CEP128: variants seen among roughly 807,000 people sequenced by gnomAD.
The protein encoded by CEP128 is centrosomal protein 128kDa.
In CEP128, 132 loss-of-function variants were observed where a neutral mutation model predicts 156.7. The observed-to-expected ratio is 0.84, with a 90% CI of 0.73 to 0.97. The LOEUF (loss-of-function observed/expected upper bound fraction) is 0.97, where lower values mean the gene tolerates loss of function less well. CEP128 is among the 50% of genes least tolerant of loss of function. The pLI, the probability that CEP128 is intolerant of heterozygous loss-of-function variation, is 0.00. For synonymous variants in CEP128, 469 were observed against 448.9 expected (o/e 1.04, Z -0.57); for missense variants, 1,252 against 1,281.9 (o/e 0.98, Z 0.36).
intron 23 of CEP128, among the ~76,000 whole-genome samples, chr14:80,508,147 C>T (rs540253785): frequency 6.6e-6 from 1 of 152,204 alleles, no homozygotes; most frequent in African/African-American, 2.4e-5. Context: ...AACTCCTGAC[C>T]TCAGGTGATC....
At chr14:80,547,981 G>GTAGAAA (rs1158425285) in intron 21 of CEP128, among the ~76,000 whole-genome samples, 1 of 151,912 alleles carries the variant, frequency 6.6e-6, no homozygotes, top group African/African-American at 2.4e-5. Flanking sequence ...TGTATTTTTA[G>GTAGAAA]TAGAAACGGG....
intron 2 of CEP128, among the ~76,000 whole-genome samples, chr14:80,951,276 A>G (rs1886458147): frequency 6.6e-6 from 1 of 152,170 alleles, no homozygotes; most frequent in Non-Finnish European, 1.5e-5. Context: ...CCTTTAAAAG[A>G]TAATAACACT....
In CEP128 at chr14:80,887,123, T is replaced by C. The variant is rs1290783580; in HGVS notation, c.645+8595A>G. ...CCCAATACAGGAGCATCCAGATTCA[T>C]AAAGCAAGTACTTAGAGATCTACAA... On this transcript the variant is annotated intron_variant, in intron 8 of 24. Transcript: ENST00000555265. Among the ~76,000 whole-genome samples, 3 of 151,614 alleles carry C rather than the reference T, an allele frequency of 2.0e-5. No individual in the cohort carries two copies. In the South Asian group the frequency reaches 6.3e-4, roughly 32 times the overall value.
intron 21 of CEP128, among the ~76,000 whole-genome samples, chr14:80,539,834 T>TG (rs907258382): frequency 2.0e-5 from 3 of 152,146 alleles, no homozygotes; most frequent in Admixed American, 1.3e-4. Flanking sequence ...AATGCATTCC[T>TG]GGGGGGAGGT....
chr14:80,558,436 T>C (rs1464700836), intron 21 of CEP128, among the ~76,000 whole-genome samples: 2 of 152,046 alleles, frequency 1.3e-5, no homozygotes, highest in Non-Finnish European at 2.9e-5. Flanking sequence ...TTACAGGCTC[T>C]CACCACCACA....
intron 19 of CEP128, among the ~76,000 whole-genome samples, chr14:80,615,071 T>C (rs1045790608): frequency 5.3e-5 from 8 of 152,074 alleles, no homozygotes; most frequent in African/African-American, 1.7e-4. Flanking sequence ...TAGTAAGAAA[T>C]GGTATTGATT....
In CEP128 at chr14:80,550,933, T is replaced by C. The variant is rs138222425; in HGVS notation, c.2880+8346A>G. Among the ~76,000 whole-genome samples, 228 of 152,254 alleles carry C rather than the reference T, an allele frequency of 1.5e-3. 5 individuals carry two copies. In the Middle Eastern group the frequency reaches 0.021, roughly 14 times the overall value. On this transcript the variant is annotated intron_variant, in intron 21 of 24. Coordinates refer to ENST00000555265, the MANE Select transcript of CEP128 (RefSeq NM_152446.5). ...AATCATAGCTAAATGCTAATTTTTG[T>C]TTGAATAAGACAGGGTTTCATTTCA...
chr14:80,851,786 A>G (rs1886902845), intron 9 of CEP128, among the ~76,000 whole-genome samples: 1 of 152,034 alleles, frequency 6.6e-6, no homozygotes, highest in Admixed American at 6.6e-5. Context: ...AGAAACATGG[A>G]AAAATGGAAA....
intron 19 of CEP128, among the ~76,000 whole-genome samples, chr14:80,671,956 A>T (rs1297069604): frequency 6.6e-6 from 1 of 152,152 alleles, no homozygotes; most frequent in Non-Finnish European, 1.5e-5. Context: ...ATCAAAACTG[A>T]CAGGCCTCTG....
chr14:80,785,646 A>G (rs1901369418), intron 14 of CEP128, 101 bp from the exon 15 acceptor site: 3 of 707,750 alleles, frequency 4.2e-6, no homozygotes, highest in East Asian at 6.4e-5. Context: ...ACCCACAAGG[A>G]AAAAAAAAAT....
In CEP128 at chr14:80,552,233, C is replaced by T. The variant is rs150047273; in HGVS notation, c.2880+7046G>A. ...CTGAGGCAAGAGAATTGCTTGAATG[C>T]GGGAGATGGAGGTTGCAGTGAGCTG... On this transcript the variant is annotated intron_variant, in intron 21 of 24. Coordinates refer to ENST00000555265, the MANE Select transcript of CEP128 (RefSeq NM_152446.5). 5.4e-3 allele frequency among the ~76,000 whole-genome samples: 817 copies of T among 151,426 alleles called. 6 individuals carry two copies. Among genetic ancestry groups the T allele is most frequent in the Non-Finnish European group, 9.3e-3 (631 of 67,882 alleles).
At chr14:80,634,512 T>G (rs981945235) in intron 19 of CEP128, among the ~76,000 whole-genome samples, 1 of 152,220 alleles carries the variant, frequency 6.6e-6, no homozygotes, top group African/African-American at 2.4e-5. Flanking sequence ...TTGAATATAT[T>G]TTTCAATATT....
intron 19 of CEP128, among the ~76,000 whole-genome samples, chr14:80,677,933 G>C (rs1351636338): frequency 6.6e-6 from 1 of 151,640 alleles, no homozygotes; most frequent in East Asian, 1.9e-4. Context: ...CCTGAGTATA[G>C]AAAACCACAA....
At chr14:80,857,747 C>A (rs868830769) in intron 9 of CEP128, among the ~76,000 whole-genome samples, 3,154 of 126,784 alleles carry the variant, frequency 0.025, 57 homozygotes, top group Middle Eastern at 0.072. Flanking sequence ...AAAAAAACAA[C>A]AACAACAACA....
At chr14:80,792,070 A>C (rs983218607) in intron 14 of CEP128, among the ~76,000 whole-genome samples, 1 of 152,254 alleles carries the variant, frequency 6.6e-6, no homozygotes, top group Non-Finnish European at 1.5e-5. Context: ...GTTTAATTCA[A>C]CCCAAAGATA....
intron 9 of CEP128, among the ~76,000 whole-genome samples, chr14:80,855,295 G>C (rs539625891): frequency 1.3e-5 from 2 of 152,068 alleles, no homozygotes; most frequent in African/African-American, 4.8e-5. Flanking sequence ...CAATTCTAGG[G>C]CTTATGTCCT....
At chr14:80,586,481 T>A (rs1891826591) in intron 19 of CEP128, among the ~76,000 whole-genome samples, 1 of 152,222 alleles carries the variant, frequency 6.6e-6, no homozygotes, top group Non-Finnish European at 1.5e-5. Flanking sequence ...CAGTACTTTT[T>A]TTTTCTTTAC....
intron 19 of CEP128, among the ~76,000 whole-genome samples, chr14:80,656,122 C>G (rs1239103089): frequency 6.6e-6 from 1 of 151,126 alleles, no homozygotes; most frequent in Non-Finnish European, 1.5e-5. Flanking sequence ...AAAAGCCTAT[C>G]AAACAACAGA....
chr14:80,833,162 T>C (rs926388446), intron 12 of CEP128, among the ~76,000 whole-genome samples: 6 of 151,992 alleles, frequency 3.9e-5, no homozygotes, highest in Non-Finnish European at 7.4e-5. Context: ...TATAAATATA[T>C]GTATTTTATT....
Sources: allele counts gnomAD v4.1 joint callset (sites outside exome capture counted in the v4.1 genomes callset), GRCh38; gene constraint gnomAD v4.1.1; transcripts MANE v1.5; gene names NCBI Gene and HGNC (gene_info 2026-07-23, HGNC 2026-07-21).